The following SEC14L2 variants were observed in gnomAD, a reference collection of about 807,000 sequenced individuals.
SEC14L2 encodes the protein SEC14 like lipid binding 2, also known as SEC14-like protein 2.
Under a neutral mutation model 56.9 loss-of-function variants are expected in SEC14L2, and 50 were observed. The ratio of observed to expected loss-of-function variants is 0.88; its 90% CI spans 0.70 to 1.11. The LOEUF is 1.11. SEC14L2 is among the 50% of genes most tolerant of loss of function. SEC14L2 has a pLI of 0.00. For missense variants in SEC14L2, 414 were observed against 500.7 expected, an observed-to-expected ratio of 0.83 and a Z score of 1.65; for synonymous variants, 179 against 188.5, an observed-to-expected ratio of 0.95 and a Z score of 0.41.
chr22:30,416,503 A>T, intron 11 of SEC14L2, 100 bp downstream of exon 11: 1 of 1,595,580 alleles, frequency 6.3e-7, no homozygotes, highest in Middle Eastern at 1.7e-4. Context: ...GAGTGTTAGA[A>T]CTAGAAGTGG....
chr22:30,410,685 T>C lies in SEC14L2; in HGVS notation c.664+6T>C. 1 of 1,613,128 alleles carries C rather than the reference T, an allele frequency of 6.2e-7. No homozygotes were observed. Among genetic ancestry groups the C allele is most frequent in the Non-Finnish European group, 8.5e-7 (1 of 1,179,046 alleles). On this transcript the variant is annotated splice_donor_region_variant and intron_variant, in intron 8 of 11. Coordinates refer to ENST00000615189, the MANE Select transcript of SEC14L2 (RefSeq NM_012429.5). ...GAAGATCATGGTCCTGGGAGGTAAG[T>C]GGTCCAGACTGTTCTCAACTCCAAA...
At chr22:30,409,080 A>C in intron 5 of SEC14L2, 107 bp from the exon 6 acceptor site, 1 of 998,708 alleles carries the variant, frequency 1.0e-6, no homozygotes, top group Non-Finnish European at 1.6e-6. Context: ...GGCCCTAACT[A>C]GCTCTGATTG....
chr22:30,408,907 G>C, intron 5 of SEC14L2: 2 of 487,888 alleles, frequency 4.1e-6, no homozygotes, highest in Non-Finnish European at 7.6e-6. Flanking sequence ...GGAAGGGGGA[G>C]GCCATCAGGC....
intron 2 of SEC14L2, among the ~76,000 whole-genome samples, chr22:30,404,398 C>T (rs1934034728): frequency 6.6e-6 from 1 of 152,152 alleles, no homozygotes. Flanking sequence ...GACTGATTTT[C>T]ATAACGGCAG....
chr22:30,413,521 A>G (rs1307692262), intron 8 of SEC14L2, among the ~76,000 whole-genome samples: 4 of 152,128 alleles, frequency 2.6e-5, no homozygotes, highest in African/African-American at 9.7e-5. Context: ...AGAGTTTGAG[A>G]CCAGCCTGGG....
chr22:30,397,756 C>G, intron 1 of SEC14L2: 5 of 433,180 alleles, frequency 1.2e-5, no homozygotes, highest in South Asian at 3.3e-5. Flanking sequence ...CAGGCTCCCC[C>G]CATGAGGCAC....
chr22:30,413,665 A>T (rs1934311797), intron 8 of SEC14L2, among the ~76,000 whole-genome samples: 1 of 152,204 alleles, frequency 6.6e-6, no homozygotes, highest in South Asian at 2.1e-4. Context: ...CACAATGTTC[A>T]TCTTTTGGTG....
chr22:30,420,462 C>G (rs945226216), intron 11 of SEC14L2: 1 of 152,190 alleles, frequency 6.6e-6, no homozygotes, highest in Admixed American at 6.5e-5. Flanking sequence ...AAGTATCTTG[C>G]TAGGCAGGGC....
rs370340156 is a variant in SEC14L2 at position 30,410,537 on chromosome 22, G to A, written c.581-59G>A. On this transcript the variant is annotated intron_variant, in intron 7 of 11. Transcript: ENST00000615189. Reference sequence around the variant, plus strand: ...GAGGGTAGCAGGTGCTGCAGAGGACGCTGTTAGGGACAGACTGGGCACTGC... The same window carrying A: ...GAGGGTAGCAGGTGCTGCAGAGGACACTGTTAGGGACAGACTGGGCACTGC... 168 of 1,494,692 alleles carry A rather than the reference G, an allele frequency of 1.1e-4. No homozygotes were observed. The East Asian group carries it at 2.0e-3, about 18-fold the overall frequency. The allele number at this position is 1,494,692 out of a possible 1,614,324, so 92.6% of individuals were successfully genotyped here. A position where few individuals can be genotyped will look rare whatever the true frequency, so the allele number is the denominator to read the frequency against.
At position 30,422,691 on chromosome 22, in the gene SEC14L2, T is replaced by C; in HGVS notation, c.*284T>C. 3.2e-6 allele frequency: 1 copy of C among 307,778 alleles called. No individual in the cohort carries two copies. The highest frequency in any genetic ancestry group is 6.8e-5 in the South Asian group (1 of 14,778). 19.1% of individuals were successfully genotyped at this position (307,778 alleles called of 1,614,324 possible). A position where few individuals can be genotyped will look rare whatever the true frequency, so the allele number is the denominator to read the frequency against. On this transcript the variant is annotated 3_prime_UTR_variant, in exon 12 of 12. Transcript: ENST00000615189. The stretch of plus-strand genomic sequence containing the variant: ...TGTCCAGGGACAGCGAAGCTGGGGG[T>C]GGCGGGGGGCATGTACCACAGGGTG...
chr22:30,405,413 G>A (rs1934066125), intron 2 of SEC14L2, among the ~76,000 whole-genome samples: 1 of 152,220 alleles, frequency 6.6e-6, no homozygotes, highest in Non-Finnish European at 1.5e-5. Context: ...CTGGGAGCAA[G>A]TGGCCTTGGG....
intron 2 of SEC14L2, among the ~76,000 whole-genome samples, chr22:30,406,115 C>CT (rs1934085563): frequency 6.6e-6 from 1 of 152,082 alleles, no homozygotes; most frequent in East Asian, 1.9e-4. Context: ...CTGCCCCCAG[C>CT]TGCCCTGAAC....
intron 8 of SEC14L2, among the ~76,000 whole-genome samples, chr22:30,412,040 T>C (rs893713732): frequency 2.0e-5 from 3 of 152,136 alleles, no homozygotes; most frequent in East Asian, 3.8e-4. Context: ...GCAGCTGTTA[T>C]AGAATGTGAG....
intron 2 of SEC14L2, among the ~76,000 whole-genome samples, chr22:30,400,944 T>C (rs1197617124): frequency 2.0e-5 from 3 of 148,000 alleles, no homozygotes; most frequent in Non-Finnish European, 3.0e-5. Context: ...TTTTTTTTTT[T>C]CTTTTTAGTA....
Position 30,409,486 on chromosome 22 carries a change from G to C in SEC14L2, c.580G>C (p.Ala194Pro). 6.2e-7 allele frequency: 1 copy of C among 1,614,014 alleles called. No individual in the cohort carries two copies. The change falls in exon 7 of 12, where the codon GCC (alanine) becomes CCC (proline). Residue 194 changes from alanine (A) to proline (P), a missense_variant and splice_region_variant. Physicochemically the swap from Ala to Pro is conservative, Grantham distance 27. Transcript: ENST00000615189. ...ACTGAAGCGTCTTTTTGTTGTTAAA[G>C]GTAAGTTGGGAATTTCTTGTGATAA... ...ETLKRLFVVK[A>P]PKLFPVAYNL...
Position 30,407,561 on chromosome 22 carries a change from G to C in SEC14L2, c.381G>C (p.Glu127Asp). 1 of 1,614,138 alleles carries C rather than the reference G, an allele frequency of 6.2e-7. No individual in the cohort carries two copies. ...KQDLLRTKMR[E>D]CELLLQECAH... is the part of the protein sequence containing the mutation. The stretch of plus-strand genomic sequence containing the variant: ...ACCTGCTGAGGACCAAGATGCGGGA[G>C]TGTGAGCTGCTTCTGCAAGAGTGTG... Residue 127 changes from glutamate (E) to aspartate (D), a missense_variant, in exon 5 of 12, where the codon GAG becomes GAC. Transcript: ENST00000615189.
intron 4 of SEC14L2, 80 bp downstream of exon 4, chr22:30,407,234 G>C: frequency 1.3e-6 from 2 of 1,551,998 alleles, no homozygotes; most frequent in Non-Finnish European, 1.8e-6. Flanking sequence ...ACTGGATTTG[G>C]ATCCTTAGAG....
intron 7 of SEC14L2, 121 bp from the exon 8 acceptor site, chr22:30,410,475 A>G: frequency 1.1e-6 from 1 of 905,878 alleles, no homozygotes. Flanking sequence ...TGGGCTCCAG[A>G]GCCCTGGGGA....
intron 3 of SEC14L2, 88 bp from the exon 4 acceptor site, chr22:30,407,007 C>G (rs1388725381): frequency 5.8e-6 from 8 of 1,369,666 alleles, no homozygotes; most frequent in Non-Finnish European, 8.2e-6. Flanking sequence ...CCGCCTTGGC[C>G]TCCCAAAGTG....
Sources: allele counts gnomAD v4.1 joint callset (sites outside exome capture counted in the v4.1 genomes callset), GRCh38; gene constraint gnomAD v4.1.1; transcripts MANE v1.5; gene names NCBI Gene and HGNC (gene_info 2026-07-23, HGNC 2026-07-21).